The following STXBP3 variants were observed in gnomAD, a reference collection of about 807,000 sequenced individuals.
The protein encoded by STXBP3 is syntaxin binding protein 3.
A neutral mutation model predicts 85.7 loss-of-function variants in STXBP3; 41 were observed. The ratio of observed to expected loss-of-function variants is 0.48; its 90% CI spans 0.37 to 0.62. STXBP3 has a LOEUF of 0.62. Among genes scored for constraint, STXBP3 ranks in the 20% least tolerant of loss-of-function variants. STXBP3 has a pLI of 0.00. For synonymous variants in STXBP3, 229 were observed against 231.7 expected, an observed-to-expected ratio of 0.99 and a Z score of 0.10; for missense variants, 563 against 703.1, an observed-to-expected ratio of 0.80 and a Z score of 2.25.
intron 6 of STXBP3, among the ~76,000 whole-genome samples, chr1:108,762,080 T>C (rs1662151811): frequency 6.6e-6 from 1 of 152,354 alleles, no homozygotes; most frequent in Middle Eastern, 3.4e-3. Context: ...AATGAAATAC[T>C]ACTAGGTGCT....
chr1:108,772,610 A>T (rs570850509), intron 6 of STXBP3, 55 bp from the exon 7 acceptor site: 83 of 980,634 alleles, frequency 8.5e-5, no homozygotes, highest in African/African-American at 3.5e-4. Context: ...ATAAATATAT[A>T]TTTTTTTTAA....
intron 12 of STXBP3, 111 bp downstream of exon 12, chr1:108,793,758 T>G (rs1663028679): frequency 2.3e-6 from 2 of 868,530 alleles, no homozygotes; most frequent in Non-Finnish European, 3.5e-6. Context: ...TGGTGTTATT[T>G]GTCCTCTAAA....
chr1:108,781,392 T>A (rs561804905), intron 9 of STXBP3: 1 of 152,314 alleles, frequency 6.6e-6, no homozygotes, highest in South Asian at 2.1e-4. Context: ...GTTCCAAGGA[T>A]GATTCAGTCT....
intron 6 of STXBP3, among the ~76,000 whole-genome samples, chr1:108,762,717 A>G (rs2101108406): frequency 6.6e-6 from 1 of 152,194 alleles, no homozygotes; most frequent in East Asian, 1.9e-4. Flanking sequence ...CCTGGGAGTG[A>G]TCTTGTTGAA....
chr1:108,800,843 C>G (rs1193036509), intron 17 of STXBP3, among the ~76,000 whole-genome samples: 1 of 152,194 alleles, frequency 6.6e-6, no homozygotes, highest in Non-Finnish European at 1.5e-5. Context: ...GGCTTTCAGC[C>G]TTTAACTGTG....
chr1:108,764,672 C>A (rs1161944495), intron 6 of STXBP3, among the ~76,000 whole-genome samples: 1 of 152,130 alleles, frequency 6.6e-6, no homozygotes, highest in Admixed American at 6.6e-5. Context: ...TTTTCATATG[C>A]TTGTGGGTCA....
At position 108,797,210 on chromosome 1, in the gene STXBP3, C is replaced by T. The variant is rs112329256; in HGVS notation, c.1356+484C>T. Among the ~76,000 whole-genome samples the T allele has an allele frequency of 2.1e-3, 320 of 151,852 alleles. 2 individuals carry two copies. The highest frequency in any genetic ancestry group is 7.4e-3 in the African/African-American group (307 of 41,390). ...CCTCTACAAAAAACAAAAAAATAAC[C>T]AGGTGTGTTGGTGTGTACCTGTAGT... On this transcript the variant is annotated intron_variant, in intron 15 of 18. Transcript: ENST00000370008.
intron 9 of STXBP3, chr1:108,782,116 T>C (rs1662726030): frequency 1.2e-5 from 3 of 254,092 alleles, no homozygotes; most frequent in Non-Finnish European, 2.3e-5. Context: ...ATATTGAGTC[T>C]TGTTCTTAAA....
At chr1:108,779,582 C>A (rs987529452) in intron 9 of STXBP3, 172 bp downstream of exon 9, 5 of 661,148 alleles carry the variant, frequency 7.6e-6, no homozygotes, top group Non-Finnish European at 1.1e-5. Context: ...TAATGTTGAC[C>A]TTGTAAATTA....
chr1:108,793,172 T>C (rs1294747365), intron 11 of STXBP3, among the ~76,000 whole-genome samples: 4 of 145,792 alleles, frequency 2.7e-5, no homozygotes, highest in South Asian at 4.5e-4. Context: ...TTTTTTTTTT[T>C]TTTTTTTTTT....
intron 16 of STXBP3, among the ~76,000 whole-genome samples, chr1:108,799,705 A>C (rs1663193637): frequency 6.6e-6 from 1 of 152,208 alleles, no homozygotes; most frequent in Non-Finnish European, 1.5e-5. Flanking sequence ...GTTAAGCATT[A>C]CTGTAATAAA....
At chr1:108,780,256 A>C (rs1662687695) in intron 9 of STXBP3, 1 of 151,798 alleles carries the variant, frequency 6.6e-6, no homozygotes, top group East Asian at 1.9e-4. Context: ...TTTTATTTGC[A>C]TTCTGGTCAA....
chr1:108,807,110 G>A (rs1459878093), intron 17 of STXBP3, among the ~76,000 whole-genome samples: 1 of 151,936 alleles, frequency 6.6e-6, no homozygotes, highest in East Asian at 1.9e-4. Flanking sequence ...AAATTAGCTG[G>A]GCATGGTGGC....
intron 1 of STXBP3, among the ~76,000 whole-genome samples, chr1:108,751,497 C>T (rs1456903514): frequency 6.6e-6 from 1 of 151,908 alleles, no homozygotes; most frequent in Non-Finnish European, 1.5e-5. Context: ...AAATAACCAT[C>T]TCATTAATAA....
At chr1:108,803,243 C>A (rs923535584) in intron 17 of STXBP3, among the ~76,000 whole-genome samples, 1 of 152,178 alleles carries the variant, frequency 6.6e-6, no homozygotes, top group Non-Finnish European at 1.5e-5. Context: ...TCCTCTTGAA[C>A]AATACAAGAA....
chr1:108,756,124 T>C (rs1459883455), intron 3 of STXBP3, among the ~76,000 whole-genome samples: 2 of 152,250 alleles, frequency 1.3e-5, no homozygotes, highest in Non-Finnish European at 2.9e-5. Flanking sequence ...GCTAATCTTA[T>C]AAACTGCTTA....
At chr1:108,799,312 G>C (rs1243483554) in intron 16 of STXBP3, among the ~76,000 whole-genome samples, 2 of 152,068 alleles carry the variant, frequency 1.3e-5, no homozygotes, top group Non-Finnish European at 2.9e-5. Context: ...GGATGATATA[G>C]AACTAAGTAG....
chr1:108,760,696 A>AG (rs1175053317), intron 6 of STXBP3, among the ~76,000 whole-genome samples: 1 of 152,176 alleles, frequency 6.6e-6, no homozygotes, highest in East Asian at 1.9e-4. Context: ...GAAATCAAAG[A>AG]GGTTAAGTAC....
At chr1:108,748,746 C>G (rs567287129) in intron 1 of STXBP3, among the ~76,000 whole-genome samples, 1 of 152,122 alleles carries the variant, frequency 6.6e-6, no homozygotes, top group East Asian at 1.9e-4. Context: ...GTGGGAGGAT[C>G]GCTGGAGCCT....
Sources: allele counts gnomAD v4.1 joint callset (sites outside exome capture counted in the v4.1 genomes callset), GRCh38; gene constraint gnomAD v4.1.1; transcripts MANE v1.5; gene names NCBI Gene and HGNC (gene_info 2026-07-23, HGNC 2026-07-21).